KLHL1: variants seen among roughly 807,000 people sequenced by gnomAD.
The protein encoded by KLHL1 is kelch like family member 1.
In KLHL1, 47 loss-of-function variants were observed where a neutral mutation model predicts 77.7. That is an observed-to-expected ratio of 0.60 (90% CI 0.48 to 0.77). The LOEUF (loss-of-function observed/expected upper bound fraction) is 0.77. Among genes scored for constraint, KLHL1 ranks in the 30% least tolerant of loss-of-function variants. The pLI is 0.00. For missense variants in KLHL1, 925 were observed against 910.8 expected (o/e 1.02, Z -0.20); for synonymous variants, 360 against 325.2 (o/e 1.11, Z -1.15).
intron 5 of KLHL1, among the ~76,000 whole-genome samples, chr13:69,851,717 C>G (rs1879697906): frequency 6.6e-6 from 1 of 151,700 alleles, no homozygotes; most frequent in African/African-American, 2.4e-5. Context: ...TCCCTGTTCT[C>G]TATTATAGAC....
intron 9 of KLHL1, among the ~76,000 whole-genome samples, chr13:69,708,356 T>C (rs1875723703): frequency 6.6e-6 from 1 of 152,012 alleles, no homozygotes; most frequent in Admixed American, 6.6e-5. Flanking sequence ...AGTTAAGTAG[T>C]GTGACTAAGT....
At chr13:70,032,621 G>T (rs1209403084) in intron 1 of KLHL1, among the ~76,000 whole-genome samples, 1 of 152,080 alleles carries the variant, frequency 6.6e-6, no homozygotes, top group African/African-American at 2.4e-5. Flanking sequence ...ACCATTAAAT[G>T]ATTAAATGCT....
At chr13:69,814,813 C>A (rs1593855980) in intron 6 of KLHL1, among the ~76,000 whole-genome samples, 1 of 152,054 alleles carries the variant, frequency 6.6e-6, no homozygotes, top group East Asian at 1.9e-4. Context: ...GAGATCAAGA[C>A]CATCCTGGCT....
At chr13:69,777,462 C>A (rs543011744) in intron 7 of KLHL1, among the ~76,000 whole-genome samples, 1 of 152,060 alleles carries the variant, frequency 6.6e-6, no homozygotes, top group South Asian at 2.1e-4. Context: ...TAGATATTAT[C>A]CTTATATCTC....
At chr13:69,806,299 T>C (rs1292325406) in intron 6 of KLHL1, among the ~76,000 whole-genome samples, 1 of 152,174 alleles carries the variant, frequency 6.6e-6, no homozygotes, top group African/African-American at 2.4e-5. Flanking sequence ...TCCACATATA[T>C]TAACCAAGAC....
intron 1 of KLHL1, among the ~76,000 whole-genome samples, chr13:70,003,007 T>G (rs1899328): frequency 0.1 from 15,642 of 151,498 alleles, 880 homozygotes; most frequent in African/African-American, 0.12. Flanking sequence ...GATATGCAAA[T>G]AAATAATACC....
chr13:69,739,577 G>A (rs926444262), intron 8 of KLHL1, among the ~76,000 whole-genome samples: 1 of 152,070 alleles, frequency 6.6e-6, no homozygotes, highest in Non-Finnish European at 1.5e-5. Flanking sequence ...ATGGAAAACA[G>A]AAAAAAGCAG....
At chr13:70,023,722 G>A (rs183941271) in intron 1 of KLHL1, among the ~76,000 whole-genome samples, 1 of 151,876 alleles carries the variant, frequency 6.6e-6, no homozygotes, top group Admixed American at 6.6e-5. Flanking sequence ...CTCACAATAT[G>A]GCTTTGTTTG....
intron 8 of KLHL1, among the ~76,000 whole-genome samples, chr13:69,720,040 G>A (rs1378198721): frequency 6.6e-6 from 1 of 151,822 alleles, no homozygotes; most frequent in Non-Finnish European, 1.5e-5. Context: ...TCACAGTTTA[G>A]AACAATAAAT....
rs139738024 is a variant in KLHL1, at chr13:69,779,073, C to T, written c.1639+17665G>A. ...TCAGCCTCCCAAAGTGCTGGGATTACAGGTCTAAGCCACCATGCCCGGTCA... is the reference window on the plus strand; with the variant it reads ...TCAGCCTCCCAAAGTGCTGGGATTATAGGTCTAAGCCACCATGCCCGGTCA... On this transcript the variant is annotated intron_variant, in intron 7 of 10. Coordinates refer to ENST00000377844, the MANE Select transcript of KLHL1 (RefSeq NM_020866.3). Among the ~76,000 whole-genome samples the T allele has an allele frequency of 4.6e-3, 698 of 152,220 alleles. 3 individuals are homozygous for T. The highest frequency in any genetic ancestry group is 0.016 in the African/African-American group (658 of 41,550).
intron 10 of KLHL1, 33 bp from the exon 11 acceptor site, chr13:69,701,794 A>C (rs1416722838): frequency 7.0e-7 from 1 of 1,438,178 alleles, no homozygotes; most frequent in East Asian, 2.3e-5. Context: ...ACTTAAGACA[A>C]GTTTTCATAG....
chr13:69,768,743 A>G (rs936984536), intron 7 of KLHL1, among the ~76,000 whole-genome samples: 1 of 152,160 alleles, frequency 6.6e-6, no homozygotes, highest in African/African-American at 2.4e-5. Context: ...TTATGTTTTT[A>G]TAGATTACTA....
intron 7 of KLHL1, among the ~76,000 whole-genome samples, chr13:69,772,590 A>G (rs1384444405): frequency 1.3e-5 from 2 of 152,286 alleles, no homozygotes; most frequent in East Asian, 1.9e-4. Context: ...TTTGTCCACA[A>G]TATTTCAAAT....
rs753622939 is a variant in KLHL1 at position 69,738,190 on chromosome 13, GCAA to G, written c.1802+2201_1802+2203del. 5.9e-5 allele frequency among the ~76,000 whole-genome samples: 9 copies of G among 152,076 alleles called. No individual in the cohort carries two copies. The East Asian group carries it at 1.6e-3, about 26-fold the overall frequency. Reference sequence around the variant, plus strand: ...CTGCTAAAAGAAAAACAAACAGAAAGCAACAACGACAACATCAATGAAAAAGAC... The same window carrying G: ...CTGCTAAAAGAAAAACAAACAGAAAGCAACGACAACATCAATGAAAAAGAC... On this transcript the variant is annotated intron_variant, in intron 8 of 10. Coordinates refer to ENST00000377844, the MANE Select transcript of KLHL1 (RefSeq NM_020866.3).
At chr13:69,772,557 CCT>C (rs1875623985) in intron 7 of KLHL1, among the ~76,000 whole-genome samples, 2 of 152,078 alleles carry the variant, frequency 1.3e-5, no homozygotes, top group South Asian at 2.1e-4. Context: ...AAACTGTGCC[CCT>C]GTTTTCTAAA....
intron 10 of KLHL1, 57 bp from the exon 11 acceptor site, chr13:69,701,818 T>G (rs1875409589): frequency 8.0e-7 from 1 of 1,247,494 alleles, no homozygotes; most frequent in South Asian, 1.4e-5. Flanking sequence ...AATATAAAAC[T>G]TATATTTTAA....
chr13:69,936,709 G>T lies in KLHL1; in HGVS notation c.1014+3331C>A, dbSNP rs931164321. Reference sequence around the variant, plus strand: ...TCAATGTTCTAAGTTTAAAAGATATGAATAGAGAATTGAAGGTTTAAACAG... The same window carrying T: ...TCAATGTTCTAAGTTTAAAAGATATTAATAGAGAATTGAAGGTTTAAACAG... On this transcript the variant is annotated intron_variant, in intron 4 of 10. Transcript: ENST00000377844. 2.6e-5 allele frequency among the ~76,000 whole-genome samples: 4 copies of T among 151,382 alleles called. No homozygotes were observed. In the East Asian group the frequency reaches 7.8e-4, roughly 29 times the overall value.
At chr13:70,078,795 C>A (rs7332296) in intron 1 of KLHL1, among the ~76,000 whole-genome samples, 1 of 151,802 alleles carries the variant, frequency 6.6e-6, no homozygotes, top group Non-Finnish European at 1.5e-5. Context: ...ATTATTTCAC[C>A]AAAATGAAAA....
At chr13:69,757,782 C>G (rs945915118) in intron 7 of KLHL1, among the ~76,000 whole-genome samples, 1 of 143,492 alleles carries the variant, frequency 7.0e-6, no homozygotes, top group Non-Finnish European at 1.6e-5. Context: ...ATGGTGAAAT[C>G]TCGTCCCTAC....
Sources: gnomAD v4.1 joint callset for allele counts (sites outside exome capture counted in the v4.1 genomes callset) on GRCh38, gnomAD v4.1.1 for gene constraint, MANE v1.5 for transcripts, NCBI Gene and HGNC (gene_info 2026-07-23, HGNC 2026-07-21) for gene names.